The following NTPCR variants were observed in gnomAD, a reference collection of about 807,000 sequenced individuals.
NTPCR encodes the protein nucleoside-triphosphatase, cancer-related.
NTPCR carries 15 observed loss-of-function variants against 19.5 expected under a neutral mutation model. That is an observed-to-expected ratio of 0.77 (90% CI 0.51 to 1.18). The LOEUF (loss-of-function observed/expected upper bound fraction) is 1.18. Among genes scored for constraint, NTPCR ranks in the 50% most tolerant of loss-of-function variants. The pLI is 0.00. For missense variants in NTPCR, 206 were observed against 240.4 expected, an observed-to-expected ratio of 0.86 and a Z score of 0.95; for synonymous variants, 90 against 95.8, an observed-to-expected ratio of 0.94 and a Z score of 0.36.
rs764545796 is a variant in NTPCR, at chr1:232,956,412, T to C, written c.263T>C (p.Phe88Ser). The stretch of plus-strand genomic sequence containing the variant: ...CAGTATGTGGTCGACCTGACTTCTT[T>C]TGAGCAGTTGGCACTACCCGTCTTG... ...VGQYVVDLTS[F>S]EQLALPVLRN... The change falls in exon 3 of 5, where the codon TTT (phenylalanine) becomes TCT (serine). Residue 88 changes from phenylalanine to serine, a missense_variant. Physicochemically the swap from Phe to Ser is radical, Grantham distance 155. Transcript: ENST00000366628. The C allele has an allele frequency of 4.3e-6, 7 of 1,613,814 alleles. No homozygotes were observed. The highest frequency in any genetic ancestry group is 5.9e-6 in the Non-Finnish European group (7 of 1,179,726).
chr1:232,958,279 C>T (rs563646642), intron 3 of NTPCR, among the ~76,000 whole-genome samples: 9 of 152,224 alleles, frequency 5.9e-5, no homozygotes, highest in Non-Finnish European at 1.2e-4. Flanking sequence ...TGATATCTGG[C>T]CTTACTAACC....
chr1:232,975,094 A>G lies in NTPCR; in HGVS notation c.505-3069A>G, dbSNP rs551179840. Among the ~76,000 whole-genome samples the G allele has an allele frequency of 2.0e-5, 3 of 152,326 alleles. No homozygotes were observed. The South Asian group carries it at 6.2e-4, about 32-fold the overall frequency. On this transcript the variant is annotated intron_variant, in intron 4 of 4. Transcript: ENST00000366628. ...CATAACATTGAAAATGTTATCAACA[A>G]CTTTAGTTCTTTTTCAAGCTGGCAG...
At chr1:232,953,136 C>A (rs1174424154) in intron 1 of NTPCR, among the ~76,000 whole-genome samples, 1 of 152,194 alleles carries the variant, frequency 6.6e-6, no homozygotes, top group African/African-American at 2.4e-5. Flanking sequence ...TGACAGTGCA[C>A]CTCATGCTGG....
At chr1:232,957,249 G>A (rs1274304078) in intron 3 of NTPCR, among the ~76,000 whole-genome samples, 6 of 152,104 alleles carry the variant, frequency 3.9e-5, no homozygotes, top group Non-Finnish European at 7.4e-5. Context: ...CTAATTTTTG[G>A]AAGAGTTTGT....
chr1:232,954,424 T>C (rs576305476), intron 1 of NTPCR, among the ~76,000 whole-genome samples: 3 of 152,368 alleles, frequency 2.0e-5, no homozygotes. Context: ...TGCAACTCTG[T>C]AGTATCTCAA....
intron 3 of NTPCR, chr1:232,963,833 CTCTGTGTGTGTGTGTGTGTGTG>C (rs1668735342): frequency 7.8e-6 from 1 of 127,948 alleles, no homozygotes; most frequent in Non-Finnish European, 1.6e-5. Flanking sequence ...TATTCTCTCT[CTCTGTGTGTGTGTGTGTGTGTG>C]TGTGTGTGTG....
At chr1:232,968,118 C>T (rs1668871944) in intron 3 of NTPCR, 1 of 152,136 alleles carries the variant, frequency 6.6e-6, no homozygotes, top group African/African-American at 2.4e-5. Context: ...TCGGTGAGTT[C>T]CCCAGGAAGG....
In NTPCR at chr1:232,976,688, T is replaced by C. The variant is rs535840733; in HGVS notation, c.505-1475T>C. 7.1e-5 allele frequency: 77 copies of C among 1,078,020 alleles called. No individual in the cohort carries two copies. The African/African-American group carries it at 8.1e-4, about 11-fold the overall frequency. 66.8% of individuals were successfully genotyped at this position (1,078,020 alleles called of 1,614,324 possible). The stretch of plus-strand genomic sequence containing the variant: ...TTGACGCAGCCAGGACCAGTAGAAA[T>C]GGGATCACAGGATTGACGCAGCCAG... On this transcript the variant is annotated intron_variant, in intron 4 of 4. Transcript: ENST00000366628.
Position 232,980,508 on chromosome 1 carries a change from A to G in NTPCR, c.*2277A>G, listed in dbSNP as rs1669254566. The G allele has an allele frequency of 6.6e-6, 1 of 152,216 alleles. No individual in the cohort carries two copies. Among genetic ancestry groups the G allele is most frequent in the African/African-American group, 2.4e-5 (1 of 41,450 alleles). 9.4% of individuals were successfully genotyped at this position (152,216 alleles called of 1,614,324 possible). A position where few individuals can be genotyped will look rare whatever the true frequency, so the allele number is the denominator to read the frequency against. On this transcript the variant is annotated 3_prime_UTR_variant, in exon 5 of 5. Transcript: ENST00000366628. The stretch of plus-strand genomic sequence containing the variant: ...ATTTAGCAGTGATAAACTGCTGTAA[A>G]TCCAAAGAACGTTTAGTGTCTCTTG...
intron 3 of NTPCR, among the ~76,000 whole-genome samples, chr1:232,960,319 T>C (rs1254220678): frequency 6.8e-6 from 1 of 147,666 alleles, no homozygotes; most frequent in East Asian, 2.1e-4. Context: ...AAAACTGCTC[T>C]GGTTATGTTT....
chr1:232,964,299 A>G (rs1299987361), intron 3 of NTPCR: 1 of 152,220 alleles, frequency 6.6e-6, no homozygotes, highest in Non-Finnish European at 1.5e-5. Flanking sequence ...CATAAGTCAT[A>G]AGTGATGATG....
In NTPCR at chr1:232,955,549, T is replaced by TA. The variant is rs1553266572; in HGVS notation, c.35-7dup. On this transcript the variant is annotated splice_region_variant and splice_polypyrimidine_tract_variant and intron_variant, in intron 1 of 4. Transcript: ENST00000366628. Reference sequence around the variant, plus strand: ...TTTCTTCTTTTTTTTTTTTTTTTTTTATTTTAGGAGTTGGAAAAACAACAT... The same window carrying TA: ...TTTCTTCTTTTTTTTTTTTTTTTTTTAATTTTAGGAGTTGGAAAAACAACAT... 3.2e-5 allele frequency: 46 copies of TA among 1,448,630 alleles called. No individual in the cohort carries two copies. Among genetic ancestry groups the TA allele is most frequent in the African/African-American group, 1.2e-4 (8 of 67,944 alleles). The allele number at this position is 1,448,630 out of a possible 1,614,324, so 89.7% of individuals were successfully genotyped here.
At chr1:232,966,788 A>T (rs911259163) in intron 3 of NTPCR, 2 of 152,222 alleles carry the variant, frequency 1.3e-5, no homozygotes, top group African/African-American at 2.4e-5. Context: ...GAAGCCTGTG[A>T]GGGGTGTGGC....
intron 3 of NTPCR, chr1:232,962,667 C>T (rs1668698484): frequency 6.6e-6 from 1 of 152,174 alleles, no homozygotes; most frequent in Non-Finnish European, 1.5e-5. Context: ...TCCAGGTGAA[C>T]AGTGTCATTT....
At chr1:232,959,879 C>T (rs973388333) in intron 3 of NTPCR, among the ~76,000 whole-genome samples, 5 of 151,892 alleles carry the variant, frequency 3.3e-5, no homozygotes, top group Admixed American at 2.0e-4. Flanking sequence ...TCTAATTAGG[C>T]CAAGCAGGGC....
rs1031525793 is a variant in NTPCR at position 232,982,296 on chromosome 1, T to C, written c.*4065T>C. On this transcript the variant is annotated 3_prime_UTR_variant, in exon 5 of 5. Transcript: ENST00000366628. Reference sequence around the variant, plus strand: ...CTGGTCAAACAGCCCCCAAGAATCCTGGGGTGACTCCAATACTGCCACCTT... The same window carrying C: ...CTGGTCAAACAGCCCCCAAGAATCCCGGGGTGACTCCAATACTGCCACCTT... 6.6e-6 allele frequency: 1 copy of C among 152,166 alleles called. No homozygotes were observed. Among genetic ancestry groups the C allele is most frequent in the Admixed American group, 6.5e-5 (1 of 15,280 alleles). 9.4% of individuals were successfully genotyped at this position (152,166 alleles called of 1,614,324 possible).
intron 3 of NTPCR, among the ~76,000 whole-genome samples, chr1:232,959,112 A>C (rs1486409122): frequency 1.3e-5 from 2 of 152,146 alleles, no homozygotes; most frequent in South Asian, 2.1e-4. Flanking sequence ...CTGTGTCCCC[A>C]CCCAAATCTC....
At chr1:232,972,024 A>G (rs894828449) in intron 4 of NTPCR, among the ~76,000 whole-genome samples, 8 of 152,234 alleles carry the variant, frequency 5.3e-5, no homozygotes, top group African/African-American at 1.7e-4. Flanking sequence ...TAGTTCCACA[A>G]ACTAATCTAA....
At chr1:232,969,669 G>A in intron 3 of NTPCR, 1 of 436,042 alleles carries the variant, frequency 2.3e-6, no homozygotes, top group Admixed American at 3.4e-5. Context: ...TCCCACTGGT[G>A]ACAGGCATAG....
Sources: allele counts gnomAD v4.1 joint callset (sites outside exome capture counted in the v4.1 genomes callset), GRCh38; gene constraint gnomAD v4.1.1; transcripts MANE v1.5; gene names NCBI Gene and HGNC (gene_info 2026-07-23, HGNC 2026-07-21).